Variants in NEBL observed in about 807,000 individuals in gnomAD.
NEBL encodes nebulette.
In NEBL, 122 loss-of-function variants were observed where a neutral mutation model predicts 140.2. That is an observed-to-expected ratio of 0.87 (90% CI 0.75 to 1.01). The LOEUF (loss-of-function observed/expected upper bound fraction) is 1.01, where lower values mean the gene tolerates loss of function less well. NEBL is among the 50% of genes least tolerant of loss of function. NEBL has a pLI of 0.00. For synonymous variants in NEBL, 436 were observed against 398.9 expected, an observed-to-expected ratio of 1.09 and a Z score of -1.11; for missense variants, 1,365 against 1,231.3, an observed-to-expected ratio of 1.11 and a Z score of -1.62.
chr10:20,836,870 C>T (rs915185978), intron 13 of NEBL, among the ~76,000 whole-genome samples: 2 of 151,900 alleles, frequency 1.3e-5, no homozygotes, highest in African/African-American at 4.8e-5. Flanking sequence ...TTAGCTGAAC[C>T]AAGAAGAAGT....
At chr10:21,260,604 C>A (rs546806038) in intron 1 of NEBL, among the ~76,000 whole-genome samples, 1 of 152,212 alleles carries the variant, frequency 6.6e-6, no homozygotes, top group Non-Finnish European at 1.5e-5. Flanking sequence ...TCACTATGTT[C>A]CCCTGTTTTC....
chr10:21,264,352 C>T (rs1297480462), intron 1 of NEBL, among the ~76,000 whole-genome samples: 4 of 152,178 alleles, frequency 2.6e-5, no homozygotes, highest in Non-Finnish European at 5.9e-5. Context: ...GCACATGGCC[C>T]TCTGCAAGGA....
intron 3 of NEBL, among the ~76,000 whole-genome samples, chr10:21,236,796 C>T (rs1391049227): frequency 6.6e-6 from 1 of 152,184 alleles, no homozygotes; most frequent in Non-Finnish European, 1.5e-5. Flanking sequence ...CTACTAAACT[C>T]CACTAACAAC....
chr10:20,918,305 C>T (rs530779641), intron 4 of NEBL, among the ~76,000 whole-genome samples: 1 of 152,208 alleles, frequency 6.6e-6, no homozygotes, highest in African/African-American at 2.4e-5. Flanking sequence ...TTGCAGTGAG[C>T]TGAGATTGAG....
intron 3 of NEBL, among the ~76,000 whole-genome samples, chr10:21,215,199 A>C (rs539101480): frequency 6.6e-6 from 1 of 152,250 alleles, no homozygotes; most frequent in Non-Finnish European, 1.5e-5. Context: ...AGTCCCAGCT[A>C]CTCAGGAGGT....
At chr10:21,154,416 G>A (rs11012547) in intron 2 of NEBL, among the ~76,000 whole-genome samples, 16,166 of 144,502 alleles carry the variant, frequency 0.11, 979 homozygotes, top group Non-Finnish European at 0.14. Context: ...CTGAAATCGC[G>A]CCACTGCACT....
In NEBL at chr10:20,969,146, G is replaced by T. The variant is rs145793014; in HGVS notation, c.250-7367C>A. Among the ~76,000 whole-genome samples, 68 of 152,164 alleles carry T rather than the reference G, an allele frequency of 4.5e-4. No homozygotes were observed. In the East Asian group the frequency reaches 0.012, roughly 27 times the overall value. ...AATGTTAGACGGGAATTAAACAGTC[G>T]AAAGGAAAATCTGATTAAGAGTTTT... On this transcript the variant is annotated intron_variant, in intron 3 of 6. Coordinates refer to the NEBL transcript ENST00000417816.
chr10:21,126,304 A>C (rs1838832105), intron 2 of NEBL: 1 of 632,634 alleles, frequency 1.6e-6, no homozygotes, highest in Admixed American at 3.0e-5. Context: ...AGAAATGTTT[A>C]TATTGTTTGC....
In NEBL at chr10:21,029,645, G is replaced by A. The variant is rs1194698769; in HGVS notation, c.165-9444C>T. 7 of 1,334,330 alleles carry A rather than the reference G, an allele frequency of 5.2e-6. No homozygotes were observed. The East Asian group carries it at 1.4e-4, about 26-fold the overall frequency. 82.7% of individuals were successfully genotyped at this position (1,334,330 alleles called of 1,614,324 possible). ...TTTGATGACTACCCGCCTAGAAGGG[G>A]TGATGATAGGTTTGGAGACAAGTAT... On this transcript the variant is annotated intron_variant, in intron 2 of 6. Transcript: ENST00000417816.
chr10:21,147,396 G>GTT (rs575290796), intron 2 of NEBL, among the ~76,000 whole-genome samples: 4,564 of 131,230 alleles, frequency 0.035, 214 homozygotes, highest in East Asian at 0.12. Flanking sequence ...TTCTCCTCCG[G>GTT]TTTTTTTTTT....
chr10:21,166,777 T>G (rs1840797504), intron 2 of NEBL, among the ~76,000 whole-genome samples: 1 of 152,214 alleles, frequency 6.6e-6, no homozygotes, highest in Non-Finnish European at 1.5e-5. Context: ...AAACTCCAAT[T>G]AGAACATGTT....
intron 3 of NEBL, among the ~76,000 whole-genome samples, chr10:20,984,202 T>C (rs1365251710): frequency 6.6e-6 from 1 of 150,990 alleles, no homozygotes; most frequent in East Asian, 1.9e-4. Context: ...ATAGTAAAAA[T>C]CTAATATCAA....
At chr10:21,235,067 G>C (rs1371405856) in intron 3 of NEBL, among the ~76,000 whole-genome samples, 1 of 152,208 alleles carries the variant, frequency 6.6e-6, no homozygotes, top group Non-Finnish European at 1.5e-5. Context: ...GGCCAAGACA[G>C]GAGGAGCACT....
intron 3 of NEBL, among the ~76,000 whole-genome samples, chr10:21,003,581 T>C (rs2131721149): frequency 6.6e-6 from 1 of 152,290 alleles, no homozygotes; most frequent in South Asian, 2.1e-4. Flanking sequence ...TACCTACATC[T>C]GAAACCAACT....
At position 20,809,818 on chromosome 10, in the gene NEBL, G is replaced by C; in HGVS notation, c.2599C>G (p.His867Asp). 6.2e-7 allele frequency: 1 copy of C among 1,609,156 alleles called. No individual in the cohort carries two copies. Among genetic ancestry groups the C allele is most frequent in the Non-Finnish European group, 8.5e-7 (1 of 1,175,614 alleles). The change falls in exon 25 of 28, where the codon CAT (histidine) becomes GAT (aspartate). Residue 867 changes from histidine to aspartate, a missense_variant. By Grantham distance (81) the His-to-Asp change is moderately conservative (BLOSUM62 -1). This residue lies in a region of NEBL where 1,323 missense variants were observed against 1,154.8 expected (regional missense o/e 1.15). Coordinates refer to ENST00000377122, the MANE Select transcript of NEBL (RefSeq NM_006393.3). ...AAGTGAGTAATACCAGAGAGCATATGGAGACTTCTAGACTGAATATTGTCT... is the reference window on the plus strand; with the variant it reads ...AAGTGAGTAATACCAGAGAGCATATCGAGACTTCTAGACTGAATATTGTCT... ...LEDNIQSRSL[H>D]MLSEKASHYR...
At chr10:21,214,995 C>T (rs1841969991) in intron 3 of NEBL, among the ~76,000 whole-genome samples, 2 of 152,158 alleles carry the variant, frequency 1.3e-5, no homozygotes, top group African/African-American at 4.8e-5. Context: ...CCCTGTGCCA[C>T]CTGCCTCACC....
In NEBL at chr10:20,924,628, G is replaced by C. The variant is rs539775029; in HGVS notation, c.357+37044C>G. On this transcript the variant is annotated intron_variant, in intron 4 of 6. Transcript: ENST00000417816. Reference sequence around the variant, plus strand: ...ATGAGTGAGAATGTGAAAGAATAGGGCCTCCTGGAATAAATCCAAAGTTCT... The same window carrying C: ...ATGAGTGAGAATGTGAAAGAATAGGCCCTCCTGGAATAAATCCAAAGTTCT... Among the ~76,000 whole-genome samples the C allele has an allele frequency of 6.6e-5, 10 of 151,828 alleles. No homozygotes were observed. The East Asian group carries it at 1.7e-3, about 26-fold the overall frequency.
chr10:20,804,864 A>T (rs541018733), intron 26 of NEBL, among the ~76,000 whole-genome samples: 2 of 152,194 alleles, frequency 1.3e-5, no homozygotes, highest in Non-Finnish European at 2.9e-5. Context: ...ACATGATGTC[A>T]CCAGGGTTTC....
At chr10:21,052,840 C>T (rs563813112) in intron 2 of NEBL, among the ~76,000 whole-genome samples, 1 of 152,312 alleles carries the variant, frequency 6.6e-6, no homozygotes, top group East Asian at 1.9e-4. Flanking sequence ...CAGCCCCAAC[C>T]TGTTGTCACC....
Sources: gnomAD v4.1 joint callset for allele counts (sites outside exome capture counted in the v4.1 genomes callset) on GRCh38, gnomAD v4.1.1 for gene constraint, gnomAD v4.1.1 regional missense constraint, MANE v1.5 for transcripts, NCBI Gene and HGNC (gene_info 2026-07-23, HGNC 2026-07-21) for gene names.